The following PRR5 variants were observed in gnomAD, a reference collection of about 807,000 sequenced individuals.
PRR5 encodes the protein proline-rich protein 5.
PRR5 carries 25 observed loss-of-function variants against 30.6 expected under a neutral mutation model. That is an observed-to-expected ratio of 0.82 (90% CI 0.60 to 1.14). The LOEUF is 1.14. Ranked by LOEUF, PRR5 falls within the 50% of genes most tolerant of loss-of-function variation. PRR5 has a pLI of 0.00. For synonymous variants in PRR5, 286 were observed against 247.1 expected, an observed-to-expected ratio of 1.16 and a Z score of -1.48; for missense variants, 600 against 547.1, an observed-to-expected ratio of 1.10 and a Z score of -0.96.
intron 1 of PRR5, among the ~76,000 whole-genome samples, chr22:44,713,716 G>A (rs1391664336): frequency 6.6e-6 from 1 of 152,184 alleles, no homozygotes; most frequent in Admixed American, 6.5e-5. Context: ...TTGTAACAGA[G>A]ACTGGTGACC....
At chr22:44,709,236 C>T (rs1474405496) in intron 1 of PRR5, among the ~76,000 whole-genome samples, 3 of 152,128 alleles carry the variant, frequency 2.0e-5, no homozygotes, top group African/African-American at 7.2e-5. Flanking sequence ...CTCCGTGCCT[C>T]TCAGAAGCAG....
intron 3 of PRR5, 75 bp downstream of exon 3, chr22:44,725,367 C>G (rs933170137): frequency 1.9e-6 from 3 of 1,594,200 alleles, no homozygotes. Flanking sequence ...TCACCTGCCC[C>G]CGGGGGTGTG....
At chr22:44,688,958 A>G (rs1207037065) in intron 1 of PRR5, among the ~76,000 whole-genome samples, 38 of 152,216 alleles carry the variant, frequency 2.5e-4, no homozygotes, top group Admixed American at 2.5e-3. Context: ...ACCGCACTCC[A>G]GCTATTACAT....
Position 44,737,537 on chromosome 22 carries a change from G to A in PRR5, c.*290G>A, listed in dbSNP as rs1445909704. ...GCTCCTCCTGCCCCAGCCCTCTGGTGTCCACACCTGCCCACAGAGAATGTA... is the reference window on the plus strand; with the variant it reads ...GCTCCTCCTGCCCCAGCCCTCTGGTATCCACACCTGCCCACAGAGAATGTA... On this transcript the variant is annotated 3_prime_UTR_variant, in exon 8 of 8. Transcript: ENST00000336985. 1.1e-5 allele frequency: 5 copies of A among 456,758 alleles called. No individual in the cohort carries two copies. Among genetic ancestry groups the A allele is most frequent in the African/African-American group, 7.8e-5 (4 of 51,516 alleles). The allele number at this position is 456,758 out of a possible 1,614,324, so 28.3% of individuals were successfully genotyped here.
At position 44,726,565 on chromosome 22, in the gene PRR5, G is replaced by C; in HGVS notation, c.265-12G>C. ...ACAAGGGCGGTGACAGCCCCTCTGT[G>C]TTTACCTTCAGAACCAGCTGCTGAC... On this transcript the variant is annotated splice_polypyrimidine_tract_variant and intron_variant, in intron 3 of 7. Transcript: ENST00000336985. The C allele has an allele frequency of 6.2e-7, 1 of 1,614,068 alleles. No homozygotes were observed. The highest frequency in any genetic ancestry group is 2.2e-5 in the East Asian group (1 of 44,882).
chr22:44,686,316 T>G (rs1488128906), intron 1 of PRR5, among the ~76,000 whole-genome samples: 1 of 151,934 alleles, frequency 6.6e-6, no homozygotes, highest in African/African-American at 2.4e-5. Flanking sequence ...CTTGTTCTAT[T>G]CTTGTGTTTT....
rs200176020 is a variant in PRR5 at position 44,736,758 on chromosome 22, G to T, written c.692-14G>T. ...GGTGGCCTCTGGTGTGACAGTGCCCGTGTCTCTCCCCAGAAAAGCGCCTCC... is the reference window on the plus strand; with the variant it reads ...GGTGGCCTCTGGTGTGACAGTGCCCTTGTCTCTCCCCAGAAAAGCGCCTCC... On this transcript the variant is annotated splice_polypyrimidine_tract_variant and intron_variant, in intron 7 of 7. Transcript: ENST00000336985. The T allele has an allele frequency of 3.3e-6, 5 of 1,532,204 alleles. No individual in the cohort carries two copies. Among genetic ancestry groups the T allele is most frequent in the Non-Finnish European group, 4.4e-6 (5 of 1,136,164 alleles). 94.9% of individuals were successfully genotyped at this position (1,532,204 alleles called of 1,614,324 possible).
At chr22:44,708,932 A>T (rs1927679217) in intron 1 of PRR5, among the ~76,000 whole-genome samples, 1 of 136,082 alleles carries the variant, frequency 7.3e-6, no homozygotes, top group Non-Finnish European at 1.5e-5. Context: ...GTGCTGTTGC[A>T]CTCCAGCCTG....
chr22:44,730,938 G>A (rs1288110268), intron 4 of PRR5: 1 of 455,044 alleles, frequency 2.2e-6, no homozygotes, highest in Admixed American at 2.4e-5. Flanking sequence ...TCCCTGTCAT[G>A]TGATGGATGG....
Position 44,732,385 on chromosome 22 carries a change from G to C in PRR5, c.549G>C (p.Val183=). The change falls in exon 6 of 8, where the codon GTG becomes GTC. Residue 183 remains valine, a synonymous_variant. Coordinates refer to ENST00000336985, the MANE Select transcript of PRR5 (RefSeq NM_181333.4). ...VPPAIVQMLL[V]LQGVHESRGV... ...CTGCCATCGTGCAGATGCTGCTGGT[G>C]CTGCAGGTGGGCACAGTGGGCAGAG... is the stretch of plus-strand genomic sequence containing the variant. The C allele has an allele frequency of 6.2e-7, 1 of 1,608,464 alleles. No individual in the cohort carries two copies. The highest frequency in any genetic ancestry group is 8.5e-7 in the Non-Finnish European group (1 of 1,178,750).
intron 2 of PRR5, among the ~76,000 whole-genome samples, chr22:44,719,088 T>C (rs1929539733): frequency 1.5e-5 from 2 of 131,198 alleles, no homozygotes; most frequent in African/African-American, 5.8e-5. Context: ...CTTTGCATAA[T>C]CTTTTTTTTT....
chr22:44,713,258 G>A (rs1462868921), intron 1 of PRR5, among the ~76,000 whole-genome samples: 12 of 152,292 alleles, frequency 7.9e-5, no homozygotes, highest in African/African-American at 1.9e-4. Flanking sequence ...CCTGTCATCC[G>A]AGGTCCAGGC....
At chr22:44,706,780 A>G (rs1158413786) in intron 1 of PRR5, among the ~76,000 whole-genome samples, 1 of 151,996 alleles carries the variant, frequency 6.6e-6, no homozygotes, top group Non-Finnish European at 1.5e-5. Flanking sequence ...CACCTGCCTC[A>G]GTCTCCCAGA....
chr22:44,719,450 T>G (rs916214403), intron 2 of PRR5, among the ~76,000 whole-genome samples: 2 of 152,220 alleles, frequency 1.3e-5, no homozygotes, highest in African/African-American at 2.4e-5. Flanking sequence ...CCAAACCTCT[T>G]TTTATCTTGA....
chr22:44,668,919 G>GAGCGGCGC (rs1923248855), intron 1 of PRR5: 1 of 150,396 alleles, frequency 6.6e-6, no homozygotes, highest in Admixed American at 6.6e-5. Context: ...GGTGCCGGCG[G>GAGCGGCGC]AGCGGCGCGC....
At chr22:44,713,331 A>G (rs2349642) in intron 1 of PRR5, among the ~76,000 whole-genome samples, 54,351 of 152,230 alleles carry the variant, frequency 0.36, 10,226 homozygotes, top group South Asian at 0.48. Flanking sequence ...TCCCGACCTC[A>G]GGTGATTCGC....
chr22:44,737,000 T>G lies in PRR5; in HGVS notation c.920T>G (p.Phe307Cys), dbSNP rs1279393035. The change falls in exon 8 of 8, where the codon TTC (phenylalanine) becomes TGC (cysteine). Residue 307 changes from phenylalanine to cysteine, a missense_variant. Physicochemically the swap from Phe to Cys is radical, Grantham distance 205. Transcript: ENST00000336985. The part of the protein sequence containing the change: ...DPPGQGPTGT[F>C]RSSPAPHSGP... ...CCCGGCCAGGGCCCCACCGGGACCTTCAGGTCCTCCCCGGCGCCCCACTCA... is the reference window on the plus strand; with the variant it reads ...CCCGGCCAGGGCCCCACCGGGACCTGCAGGTCCTCCCCGGCGCCCCACTCA... The G allele has an allele frequency of 6.2e-7, 1 of 1,600,144 alleles. No homozygotes were observed. The highest frequency in any genetic ancestry group is 1.7e-5 in the Admixed American group (1 of 59,744).
intron 1 of PRR5, among the ~76,000 whole-genome samples, chr22:44,687,213 C>T (rs1052952957): frequency 3.3e-5 from 5 of 152,356 alleles, no homozygotes; most frequent in African/African-American, 1.2e-4. Context: ...GACCCCTGTA[C>T]ACAATGTGTT....
At chr22:44,731,238 C>G (rs1921901093) in intron 4 of PRR5, 1 of 263,888 alleles carries the variant, frequency 3.8e-6, no homozygotes, top group African/African-American at 2.2e-5. Flanking sequence ...CTGTGTGGGT[C>G]TTACCTGTGC....
Sources: gnomAD v4.1 joint callset for allele counts (sites outside exome capture counted in the v4.1 genomes callset) on GRCh38, gnomAD v4.1.1 for gene constraint, MANE v1.5 for transcripts, NCBI Gene and HGNC (gene_info 2026-07-23, HGNC 2026-07-21) for gene names.